ENTREP2: variants seen among roughly 807,000 people sequenced by gnomAD.
ENTREP2 encodes endosomal transmembrane epsin interactor 2, also known as protein ENTREP2.
the ENTREP2 span, among the ~76,000 whole-genome samples, chr15:29,542,525 C>T: frequency 3.3e-5 from 5 of 151,454 alleles, no homozygotes; most frequent in South Asian, 2.1e-4. Flanking sequence ...AGGACTGTCT[C>T]GATCTCCTGA....
At chr15:29,555,177 AATCCCCC>A in the ENTREP2 span, among the ~76,000 whole-genome samples, 2 of 152,206 alleles carry the variant, frequency 1.3e-5, no homozygotes, top group Non-Finnish European at 2.9e-5. Flanking sequence ...ATCTGGAAGA[AATCCCCC>A]TTTCCTCGGG....
At chr15:29,365,202 AT>A in the ENTREP2 span, among the ~76,000 whole-genome samples, 82 of 151,178 alleles carry the variant, frequency 5.4e-4, no homozygotes, top group African/African-American at 1.9e-3. Flanking sequence ...TTCACACTGT[AT>A]TATGCAAAGT....
chr15:29,415,980 C>G, the ENTREP2 span, among the ~76,000 whole-genome samples: 6 of 152,266 alleles, frequency 3.9e-5, no homozygotes, highest in South Asian at 1.2e-3. Context: ...CAAGCCACTG[C>G]TCAATGAAAT....
chr15:29,526,156 G>C, the ENTREP2 span, among the ~76,000 whole-genome samples: 1 of 152,136 alleles, frequency 6.6e-6, no homozygotes, highest in Non-Finnish European at 1.5e-5. Flanking sequence ...TTCCATGTAC[G>C]TGATATAGTG....
At chr15:29,156,617 C>T in the ENTREP2 span, among the ~76,000 whole-genome samples, 13 of 152,020 alleles carry the variant, frequency 8.6e-5, no homozygotes, top group Non-Finnish European at 1.6e-4. Flanking sequence ...GAGGCGGTAC[C>T]GGAGAGGAGT....
chr15:29,181,089 G>T, the ENTREP2 span, among the ~76,000 whole-genome samples: 5 of 151,670 alleles, frequency 3.3e-5, no homozygotes, highest in East Asian at 9.7e-4. Context: ...GAAAGAAAAG[G>T]AATAAATTAA....
the ENTREP2 span, among the ~76,000 whole-genome samples, chr15:29,620,515 A>G: frequency 6.6e-6 from 1 of 151,904 alleles, no homozygotes; most frequent in Non-Finnish European, 1.5e-5. Flanking sequence ...GCTCACACCT[A>G]TAGTCCCAGC....
chr15:29,335,269 G>A, the ENTREP2 span, among the ~76,000 whole-genome samples: 8 of 152,148 alleles, frequency 5.3e-5, no homozygotes, highest in Admixed American at 3.9e-4. Context: ...GGGTTTATCC[G>A]GAGGCTACGG....
At chr15:29,180,648 A>G in the ENTREP2 span, among the ~76,000 whole-genome samples, 1 of 152,178 alleles carries the variant, frequency 6.6e-6, no homozygotes, top group African/African-American at 2.4e-5. Context: ...TGGGTGACAG[A>G]GCAAGACTCC....
At chr15:29,408,886 C>T in the ENTREP2 span, among the ~76,000 whole-genome samples, 1 of 152,184 alleles carries the variant, frequency 6.6e-6, no homozygotes, top group African/African-American at 2.4e-5. Flanking sequence ...AGATAAATTA[C>T]AAACCATGAC....
the ENTREP2 span, among the ~76,000 whole-genome samples, chr15:29,636,444 C>G: frequency 0.011 from 1,675 of 152,306 alleles, 37 homozygotes; most frequent in African/African-American, 0.038. Context: ...CAGAGGCCGC[C>G]CTGCAGCTTA....
At chr15:29,262,647 T>C in the ENTREP2 span, among the ~76,000 whole-genome samples, 1 of 152,256 alleles carries the variant, frequency 6.6e-6, no homozygotes, top group Non-Finnish European at 1.5e-5. Flanking sequence ...CATCTGTGTC[T>C]TTTGCAATAC....
chr15:29,415,112 A>G, the ENTREP2 span, among the ~76,000 whole-genome samples: 1 of 151,994 alleles, frequency 6.6e-6, no homozygotes, highest in Non-Finnish European at 1.5e-5. Flanking sequence ...AAACTATTCC[A>G]ATCAACAGAA....
chr15:29,635,867 T>C, the ENTREP2 span, among the ~76,000 whole-genome samples: 94 of 152,306 alleles, frequency 6.2e-4, 1 homozygote, highest in East Asian at 0.018. Context: ...GTCTAAAATA[T>C]TGGCTGCTGT....
chr15:29,656,144 GAATA>G, the ENTREP2 span, among the ~76,000 whole-genome samples: 1 of 148,592 alleles, frequency 6.7e-6, no homozygotes. Context: ...CAAAAATAAA[GAATA>G]AAGAATTTTT....
the ENTREP2 span, among the ~76,000 whole-genome samples, chr15:29,192,856 T>C: frequency 7.9e-5 from 12 of 152,294 alleles, no homozygotes; most frequent in Admixed American, 7.2e-4. Flanking sequence ...CTGAAGAAGA[T>C]AATGTATAGC....
the ENTREP2 span, among the ~76,000 whole-genome samples, chr15:29,664,669 G>A: frequency 6.6e-6 from 1 of 152,170 alleles, no homozygotes; most frequent in African/African-American, 2.4e-5. Flanking sequence ...TCCCTAAAAT[G>A]TGGGTTTTGT....
At chr15:29,587,954 C>T in the ENTREP2 span, among the ~76,000 whole-genome samples, 7 of 152,210 alleles carry the variant, frequency 4.6e-5, no homozygotes, top group South Asian at 2.1e-4. Context: ...CCACCACGCC[C>T]GGCTGGAAGT....
the ENTREP2 span, among the ~76,000 whole-genome samples, chr15:29,332,197 A>C: frequency 6.6e-6 from 1 of 152,250 alleles, no homozygotes; most frequent in African/African-American, 2.4e-5. Flanking sequence ...TCGCATCCTC[A>C]AAGATATAAC....
Sources: allele counts gnomAD v4.1 joint callset (sites outside exome capture counted in the v4.1 genomes callset), GRCh38; gene constraint gnomAD v4.1.1; transcripts MANE v1.5; gene names NCBI Gene and HGNC (gene_info 2026-07-23, HGNC 2026-07-21).